Variants in PCLO observed in about 807,000 individuals in gnomAD.
PCLO encodes piccolo presynaptic cytomatrix protein.
PCLO carries 82 observed loss-of-function variants against 427.5 expected under a neutral mutation model. The observed-to-expected ratio is 0.19, with a 90% CI of 0.16 to 0.23. PCLO has a LOEUF of 0.23. Ranked by LOEUF, PCLO falls within the 10% of genes least tolerant of loss-of-function variation. The probability of loss-of-function intolerance (pLI) is 1.00; values close to 1 mark genes in which losing one functional copy is unlikely to be tolerated. For missense variants in PCLO, 6,239 were observed against 6,115.9 expected (o/e 1.02, Z -0.67); for synonymous variants, 2,357 against 2,155.4 (o/e 1.09, Z -2.59).
rs116078571 is a variant in PCLO, at chr7:83,121,441, C to A, written c.3300+12809G>T. On this transcript the variant is annotated intron_variant, in intron 3 of 24. Transcript: ENST00000333891. Reference sequence around the variant, plus strand: ...ACCACCAGAAAAAATCACTTTTACACCTAAGAAGACAGAAAAGAAAGAAGA... The same window carrying A: ...ACCACCAGAAAAAATCACTTTTACAACTAAGAAGACAGAAAAGAAAGAAGA... 3.2e-3 allele frequency among the ~76,000 whole-genome samples: 483 copies of A among 151,950 alleles called. 4 individuals carry two copies. The highest frequency in any genetic ancestry group is 0.011 in the African/African-American group (446 of 41,482).
chr7:83,086,107 CT>C (rs1039065617), intron 3 of PCLO, among the ~76,000 whole-genome samples: 7 of 110,018 alleles, frequency 6.4e-5, no homozygotes, highest in South Asian at 3.1e-4. Context: ...TCTTTCTTTC[CT>C]TTTTTTTTCT....
rs550063911 is a variant in PCLO, at chr7:83,097,987, G to A, written c.3300+36263C>T. On this transcript the variant is annotated intron_variant, in intron 3 of 24. Coordinates refer to ENST00000333891, the MANE Select transcript of PCLO (RefSeq NM_033026.6). ...ATGTGACACTTGGATTATATTATTT[G>A]TTAATATAAAAATGTAAAATAAACA... Among the ~76,000 whole-genome samples the A allele has an allele frequency of 3.7e-4, 56 of 152,010 alleles. No individual in the cohort carries two copies. The South Asian group carries it at 0.011, about 29-fold the overall frequency.
chr7:82,954,124 C>G lies in PCLO; in HGVS notation c.6829G>C (p.Val2277Leu), dbSNP rs1302760406. ...ACTGGCCCTTCAGGTTTAGGTACTA[C>G]AGATTCTATGATAGAAGATGCCATA... Reference protein sequence around the residue: ...SDMASSIIESVVPKPEGPVAD... With the variant: ...SDMASSIIESLVPKPEGPVAD... The change falls in exon 5 of 25, where the codon GTA (valine) becomes CTA (leucine). Residue 2277 changes from valine to leucine, a missense_variant. Val to Leu is a conservative substitution (Grantham distance 32, BLOSUM62 1). Transcript: ENST00000333891. 1.9e-5 allele frequency: 30 copies of G among 1,613,762 alleles called. No homozygotes were observed. Among genetic ancestry groups the G allele is most frequent in the Non-Finnish European group, 2.2e-5 (26 of 1,179,850 alleles).
chr7:82,864,206 T>C (rs563558002), intron 10 of PCLO, among the ~76,000 whole-genome samples: 1 of 152,240 alleles, frequency 6.6e-6, no homozygotes, highest in East Asian at 1.9e-4. Flanking sequence ...AATAAATATA[T>C]TGAATTACAA....
intron 22 of PCLO, among the ~76,000 whole-genome samples, chr7:82,795,566 G>C (rs1226452253): frequency 6.6e-6 from 1 of 152,124 alleles, no homozygotes; most frequent in Non-Finnish European, 1.5e-5. Context: ...AAGTACAATG[G>C]TAAGAGTCAG....
intron 3 of PCLO, among the ~76,000 whole-genome samples, chr7:83,107,951 T>C (rs1350124554): frequency 1.5e-5 from 2 of 129,650 alleles, no homozygotes; most frequent in Non-Finnish European, 3.1e-5. Context: ...ATCGTGCCAC[T>C]GCACTCCAGC....
chr7:83,125,747 C>G (rs534742633), intron 3 of PCLO, among the ~76,000 whole-genome samples: 3 of 152,222 alleles, frequency 2.0e-5, no homozygotes, highest in Middle Eastern at 3.4e-3. Flanking sequence ...ACAAACACTG[C>G]GGAAGGTCGC....
intron 3 of PCLO, among the ~76,000 whole-genome samples, chr7:83,111,687 T>A (rs114559804): frequency 6.6e-6 from 1 of 152,206 alleles, no homozygotes; most frequent in African/African-American, 2.4e-5. Context: ...CTTGTTAAGA[T>A]CCTGATTAGA....
Position 82,915,508 on chromosome 7 carries a change from T to C in PCLO, c.12478A>G (p.Lys4160Glu). The C allele has an allele frequency of 1.2e-6, 2 of 1,613,718 alleles. No homozygotes were observed. The highest frequency in any genetic ancestry group is 2.2e-5 in the South Asian group (2 of 91,084). Residue 4160 changes from lysine to glutamate, a missense_variant, in exon 7 of 25, where the codon AAA becomes GAA. Around this residue, in one of 5 missense-constraint regions of PCLO, gnomAD observed 680 missense variants for 677.3 expected, o/e 1.00. Transcript: ENST00000333891. ...HADTSYRHFP[K>E]SEKYSISRLT... ...CTACTGATGCTATACTTCTCAGATT[T>C]TGGAAAATGTCTGTAGCTAGTATCA...
intron 3 of PCLO, among the ~76,000 whole-genome samples, chr7:83,015,618 A>G (rs1035550261): frequency 6.6e-6 from 1 of 152,184 alleles, no homozygotes; most frequent in Non-Finnish European, 1.5e-5. Flanking sequence ...AATCTAAAAC[A>G]AATTATCATT....
chr7:83,151,657 A>G (rs980736506), intron 2 of PCLO, among the ~76,000 whole-genome samples: 1 of 152,144 alleles, frequency 6.6e-6, no homozygotes, highest in African/African-American at 2.4e-5. Context: ...TCATATTCCC[A>G]GCTCACATAC....
chr7:83,059,241 T>C (rs962120808), intron 3 of PCLO, among the ~76,000 whole-genome samples: 2 of 147,868 alleles, frequency 1.4e-5, no homozygotes, highest in African/African-American at 4.9e-5. Context: ...GCACCGAGGG[T>C]CAATTCTTTC....
chr7:83,111,659 C>T (rs542848488), intron 3 of PCLO, among the ~76,000 whole-genome samples: 1 of 152,318 alleles, frequency 6.6e-6, no homozygotes, highest in Admixed American at 6.5e-5. Context: ...CAGATAGGAA[C>T]TAGACCTCGA....
chr7:82,847,217 G>A lies in PCLO; in HGVS notation c.13685C>T (p.Pro4562Leu), dbSNP rs267601585. ...GMQVLEWNGI[P>L]LTSKTYEEVQ... ...TTCTTCATATGTTTTAGAAGTCAAGGGAATTCCATTCCATTCCAATACTTG... is the reference window on the plus strand; with the variant it reads ...TTCTTCATATGTTTTAGAAGTCAAGAGAATTCCATTCCATTCCAATACTTG... The change falls in exon 11 of 25, where the codon CCC becomes CTC. Residue 4562 changes from proline (P) to leucine (L), a missense_variant. Coordinates refer to ENST00000333891, the MANE Select transcript of PCLO (RefSeq NM_033026.6). 1.2e-6 allele frequency: 2 copies of A among 1,600,182 alleles called. No homozygotes were observed. Among genetic ancestry groups the A allele is most frequent in the South Asian group, 2.2e-5 (2 of 90,154 alleles).
chr7:82,821,787 C>T (rs1417422445), intron 20 of PCLO: 1 of 982,338 alleles, frequency 1.0e-6, no homozygotes, highest in East Asian at 1.1e-4. Context: ...AATTGTGCTC[C>T]TCAGTGAGGT....
intron 6 of PCLO, among the ~76,000 whole-genome samples, chr7:82,938,434 G>A (rs1795005717): frequency 6.6e-6 from 1 of 151,812 alleles, no homozygotes. Flanking sequence ...TAAAGGTACA[G>A]ATGGCCTCCT....
At chr7:83,125,924 C>T (rs535922621) in intron 3 of PCLO, among the ~76,000 whole-genome samples, 69 of 152,102 alleles carry the variant, frequency 4.5e-4, no homozygotes, top group Non-Finnish European at 7.9e-4. Context: ...CATATATGCA[C>T]TCCCATGTTT....
At chr7:82,909,147 G>A in intron 7 of PCLO, 134 bp from the exon 8 acceptor site, 21 of 736,112 alleles carry the variant, frequency 2.9e-5, no homozygotes, top group South Asian at 1.2e-4. Flanking sequence ...TCTCCCCTTG[G>A]GACTAGAAAA....
In PCLO at chr7:82,950,383, A is replaced by C; in HGVS notation, c.10205T>G (p.Val3402Gly). ...STVSEIPLTDVVVKEEKQPKK... is the reference protein window; with the variant it reads ...STVSEIPLTDGVVKEEKQPKK... Reference sequence around the variant, plus strand: ...GGGTTGTTTTTCCTCTTTCACAACAACATCTGTTAGAGGTATTTCTGAAAC... The same window carrying C: ...GGGTTGTTTTTCCTCTTTCACAACACCATCTGTTAGAGGTATTTCTGAAAC... Residue 3402 changes from valine to glycine, a missense_variant, in exon 6 of 25, where the codon GTT becomes GGT. Val to Gly is a moderately radical substitution (Grantham distance 109). This residue lies in a region of PCLO where 4,677 missense variants were observed against 4,468.4 expected (regional missense o/e 1.05). Transcript: ENST00000333891. 6.2e-7 allele frequency: 1 copy of C among 1,613,778 alleles called. No homozygotes were observed. The highest frequency in any genetic ancestry group is 1.1e-5 in the South Asian group (1 of 91,074).
Sources: allele counts gnomAD v4.1 joint callset (sites outside exome capture counted in the v4.1 genomes callset), GRCh38; gene constraint gnomAD v4.1.1; regional missense constraint gnomAD v4.1.1; transcripts MANE v1.5; gene names NCBI Gene and HGNC (gene_info 2026-07-23, HGNC 2026-07-21).